Variants in EDA observed in about 807,000 individuals in gnomAD.
The protein encoded by EDA is ectodysplasin A.
In EDA, 2 loss-of-function variants were observed where a neutral mutation model predicts 23.6. The observed-to-expected ratio is 0.08, with a 90% CI of 0.03 to 0.27. The LOEUF (loss-of-function observed/expected upper bound fraction) is 0.27. EDA is among the 10% of genes least tolerant of loss of function. The probability of loss-of-function intolerance (pLI) is 1.00; values close to 1 mark genes in which losing one functional copy is unlikely to be tolerated. For synonymous variants in EDA, 131 were observed against 132.0 expected, an observed-to-expected ratio of 0.99 and a Z score of 0.05; for missense variants, 229 against 324.2, an observed-to-expected ratio of 0.71 and a Z score of 2.26.
At chrX:69,976,815 G>A (rs1350040757) in intron 2 of EDA, among the ~76,000 whole-genome samples, 1 of 111,166 alleles carries the variant, frequency 9.0e-6, no homozygotes, top group African/African-American at 3.3e-5. Flanking sequence ...TTATGTGCTA[G>A]ATCTTGAAAC....
chrX:69,696,848 G>C (rs2011363925), intron 1 of EDA, among the ~76,000 whole-genome samples: 1 of 112,275 alleles, frequency 8.9e-6, no homozygotes, highest in African/African-American at 3.2e-5. Flanking sequence ...GCCAAAATAT[G>C]TGTACTTTAA....
chrX:69,880,810 C>T (rs1241307682), intron 1 of EDA, among the ~76,000 whole-genome samples: 1 of 112,019 alleles, frequency 8.9e-6, no homozygotes, highest in Non-Finnish European at 1.9e-5. Flanking sequence ...TGTAATCTTT[C>T]CTTTCTTTTG....
intron 7 of EDA, 25 bp from the exon 8 acceptor site, chrX:70,035,333 T>G: frequency 8.3e-7 from 1 of 1,204,594 alleles, no homozygotes; most frequent in Non-Finnish European, 1.1e-6. Context: ...TCTTCCCCAA[T>G]CCCTTCTTGT....
At chrX:69,882,092 T>A (rs183707047) in intron 1 of EDA, among the ~76,000 whole-genome samples, 3 of 111,742 alleles carry the variant, frequency 2.7e-5, no homozygotes, top group Non-Finnish European at 5.6e-5. Context: ...AGGATCTTTT[T>A]CTTTGGGATT....
chrX:69,888,978 T>TATATATATATAGATA (rs1556026049), intron 1 of EDA, among the ~76,000 whole-genome samples: 3 of 16,030 alleles, frequency 1.9e-4, no homozygotes, highest in Non-Finnish European at 3.1e-4. Flanking sequence ...TGTGGGGTAG[T>TATATATATATAGATA]TATATATATA....
chrX:69,796,009 C>T (rs900498304), intron 1 of EDA, among the ~76,000 whole-genome samples: 1 of 111,938 alleles, frequency 8.9e-6, no homozygotes, highest in African/African-American at 3.2e-5. Context: ...ACCTGCATAG[C>T]ACTTACCAGC....
At chrX:70,000,609 G>T (rs1186195138) in intron 2 of EDA, among the ~76,000 whole-genome samples, 1 of 112,234 alleles carries the variant, frequency 8.9e-6, no homozygotes, top group Admixed American at 9.4e-5. Flanking sequence ...GCTTGAGTTT[G>T]GGACAAATGA....
At chrX:69,818,371 A>G (rs1157473584) in intron 1 of EDA, among the ~76,000 whole-genome samples, 2 of 111,697 alleles carry the variant, frequency 1.8e-5, no homozygotes, top group Non-Finnish European at 3.8e-5. Flanking sequence ...AACGAAGATC[A>G]GAGCTGAACT....
chrX:69,900,062 A>G (rs1370461339), intron 1 of EDA, among the ~76,000 whole-genome samples: 2 of 111,358 alleles, frequency 1.8e-5, no homozygotes, highest in Non-Finnish European at 3.8e-5. Context: ...TGAGGATTAA[A>G]CGAGTTGATA....
chrX:69,780,386 T>C (rs1228088581), intron 1 of EDA, among the ~76,000 whole-genome samples: 1 of 111,814 alleles, frequency 8.9e-6, no homozygotes, highest in Non-Finnish European at 1.9e-5. Flanking sequence ...TCATACAGTT[T>C]ACCTATTTAA....
chrX:69,708,632 T>A (rs2011835305), intron 1 of EDA, among the ~76,000 whole-genome samples: 1 of 111,335 alleles, frequency 9.0e-6, no homozygotes, highest in Admixed American at 9.6e-5. Flanking sequence ...AATTTGGTAT[T>A]ATTGTTCTTG....
At chrX:69,702,069 A>AG (rs2011549262) in intron 1 of EDA, among the ~76,000 whole-genome samples, 1 of 111,804 alleles carries the variant, frequency 8.9e-6, no homozygotes, top group Non-Finnish European at 1.9e-5. Flanking sequence ...TATAAGAGGT[A>AG]GGGTCTTCTG....
At chrX:69,848,203 A>G in intron 1 of EDA, among the ~76,000 whole-genome samples, 1 of 112,051 alleles carries the variant, frequency 8.9e-6, no homozygotes, top group Non-Finnish European at 1.9e-5. Flanking sequence ...AAGTTAATAA[A>G]TGTAGCTTCA....
intron 1 of EDA, among the ~76,000 whole-genome samples, chrX:69,933,043 C>T (rs1460040495): frequency 9.1e-6 from 1 of 110,269 alleles, no homozygotes; most frequent in Non-Finnish European, 1.9e-5. Context: ...TAAAAAGAGG[C>T]CATTAGTTCC....
At chrX:69,774,584 C>T (rs35211756) in intron 1 of EDA, among the ~76,000 whole-genome samples, 33,244 of 110,354 alleles carry the variant, frequency 0.3, 4,710 homozygotes, top group Middle Eastern at 0.54. Flanking sequence ...TTAAAAAAAG[C>T]AAAACATAGT....
At chrX:69,769,975 C>A (rs1359738431) in intron 1 of EDA, among the ~76,000 whole-genome samples, 3 of 111,234 alleles carry the variant, frequency 2.7e-5, no homozygotes, top group African/African-American at 9.8e-5. Flanking sequence ...TTATAATTTT[C>A]TCACTTCTAG....
At chrX:69,846,496 T>G (rs1176373178) in intron 1 of EDA, among the ~76,000 whole-genome samples, 6 of 111,202 alleles carry the variant, frequency 5.4e-5, no homozygotes, top group Non-Finnish European at 1.1e-4. Context: ...GGTTTCACCA[T>G]GTTGGCCAGG....
At chrX:69,871,876 C>G (rs2017571599) in intron 1 of EDA, among the ~76,000 whole-genome samples, 1 of 111,898 alleles carries the variant, frequency 8.9e-6, no homozygotes, top group African/African-American at 3.2e-5. Context: ...GCTAGACATC[C>G]AAATACAAGA....
chrX:69,652,127 A>G (rs1933126597), intron 1 of EDA, among the ~76,000 whole-genome samples: 1 of 111,577 alleles, frequency 9.0e-6, no homozygotes, highest in Admixed American at 9.5e-5. Flanking sequence ...TTATGAGTTT[A>G]AGTACAACCT....
Sources: gnomAD v4.1 joint callset for allele counts (sites outside exome capture counted in the v4.1 genomes callset) on GRCh38, gnomAD v4.1.1 for gene constraint, MANE v1.5 for transcripts, NCBI Gene and HGNC (gene_info 2026-07-23, HGNC 2026-07-21) for gene names.